Variants in GALNT13 observed in about 807,000 individuals in gnomAD.
The protein encoded by GALNT13 is UDP-GalNAc:polypeptide N-acetylgalactosaminyltransferase 13.
Under a neutral mutation model 64.2 loss-of-function variants are expected in GALNT13, and 28 were observed. That is an observed-to-expected ratio of 0.44 (90% CI 0.32 to 0.60). GALNT13 has a LOEUF of 0.60. Ranked by LOEUF, GALNT13 falls within the 20% of genes least tolerant of loss-of-function variation. The probability of loss-of-function intolerance (pLI) is 0.05; values close to 1 mark genes in which losing one functional copy is unlikely to be tolerated. For missense variants in GALNT13, 577 were observed against 669.8 expected (o/e 0.86, Z 1.53); for synonymous variants, 214 against 224.6 (o/e 0.95, Z 0.42).
the GALNT13 span, among the ~76,000 whole-genome samples, chr2:153,118,748 A>T: frequency 6.6e-6 from 1 of 152,248 alleles, no homozygotes; most frequent in Non-Finnish European, 1.5e-5. Flanking sequence ...GGTTATTTAT[A>T]TTAACTCATG....
At chr2:154,211,578 A>G (rs1270517481) in intron 4 of GALNT13, among the ~76,000 whole-genome samples, 1 of 147,500 alleles carries the variant, frequency 6.8e-6, no homozygotes, top group African/African-American at 2.5e-5. Context: ...CAGTGAGCCA[A>G]GATTGCACCA....
the GALNT13 span, among the ~76,000 whole-genome samples, chr2:153,336,381 A>T: frequency 1.3e-5 from 2 of 152,146 alleles, no homozygotes; most frequent in East Asian, 3.9e-4. Flanking sequence ...GCAAAGCCAC[A>T]GGGACGTAGC....
chr2:154,411,707 A>C (rs1048912665), intron 11 of GALNT13, among the ~76,000 whole-genome samples: 1 of 151,780 alleles, frequency 6.6e-6, no homozygotes, highest in African/African-American at 2.4e-5. Context: ...TGAGTTGGAA[A>C]AGAAATTTTC....
At chr2:153,745,160 C>G in the GALNT13 span, among the ~76,000 whole-genome samples, 63 of 152,238 alleles carry the variant, frequency 4.1e-4, no homozygotes, top group African/African-American at 1.4e-3. Flanking sequence ...AAACAGAATA[C>G]TCTTGGAGAG....
chr2:153,299,785 A>G, the GALNT13 span, among the ~76,000 whole-genome samples: 5 of 152,186 alleles, frequency 3.3e-5, no homozygotes, highest in African/African-American at 1.2e-4. Context: ...TTGGCATTGA[A>G]TCAAATTTTC....
chr2:153,865,496 C>A, the GALNT13 span, among the ~76,000 whole-genome samples: 1 of 133,210 alleles, frequency 7.5e-6, no homozygotes, highest in Admixed American at 7.9e-5. Flanking sequence ...AAAAACTGGG[C>A]GAAGGACATG....
chr2:153,371,929 T>C, the GALNT13 span, among the ~76,000 whole-genome samples: 2 of 152,292 alleles, frequency 1.3e-5, no homozygotes, highest in East Asian at 3.9e-4. Context: ...TGGGCTTCAC[T>C]TGGAATGATA....
intron 2 of GALNT13, among the ~76,000 whole-genome samples, chr2:153,933,499 G>T (rs1690677500): frequency 6.6e-6 from 1 of 152,112 alleles, no homozygotes; most frequent in African/African-American, 2.4e-5. Context: ...ATATGCTTGA[G>T]TCTTTCTTCT....
chr2:153,597,900 A>G, the GALNT13 span, among the ~76,000 whole-genome samples: 2 of 152,114 alleles, frequency 1.3e-5, no homozygotes, highest in African/African-American at 2.4e-5. Flanking sequence ...CTTTATATCC[A>G]CTAAGGTGGC....
chr2:153,626,479 T>C, the GALNT13 span, among the ~76,000 whole-genome samples: 426 of 152,252 alleles, frequency 2.8e-3, 8 homozygotes, highest in Admixed American at 0.023. Flanking sequence ...TTGACTCCCC[T>C]TGATTATATA....
chr2:153,900,875 A>G (rs1688191688), intron 1 of GALNT13, 61 bp from the exon 2 acceptor site: 1 of 152,154 alleles, frequency 6.6e-6, no homozygotes, highest in African/African-American at 2.4e-5. Context: ...GTTGGTCTGT[A>G]TTAGTTTTTC....
chr2:153,562,296 C>T, the GALNT13 span, among the ~76,000 whole-genome samples: 1 of 152,128 alleles, frequency 6.6e-6, no homozygotes, highest in East Asian at 1.9e-4. Flanking sequence ...GTACTATCAA[C>T]CATCCTTATA....
chr2:154,227,330 T>A (rs1053333969), intron 4 of GALNT13, among the ~76,000 whole-genome samples: 1 of 150,770 alleles, frequency 6.6e-6, no homozygotes, highest in Non-Finnish European at 1.5e-5. Context: ...TTTTTCTTTT[T>A]TTCTTTTTTT....
the GALNT13 span, among the ~76,000 whole-genome samples, chr2:153,196,646 C>G: frequency 6.6e-6 from 1 of 152,076 alleles, no homozygotes; most frequent in African/African-American, 2.4e-5. Context: ...TGCCTGCTCA[C>G]AGCATGGGGC....
At chr2:154,003,035 G>A (rs1269110889) in intron 3 of GALNT13, among the ~76,000 whole-genome samples, 2 of 152,136 alleles carry the variant, frequency 1.3e-5, no homozygotes, top group African/African-American at 2.4e-5. Context: ...CTTAGGCTTT[G>A]TGAGGAACCC....
the GALNT13 span, among the ~76,000 whole-genome samples, chr2:153,124,878 T>C: frequency 2.6e-5 from 4 of 152,314 alleles, no homozygotes; most frequent in African/African-American, 9.6e-5. Context: ...ACGGCAAGTT[T>C]TGCTCCTTGC....
At chr2:154,401,190 G>A (rs1559135352) in intron 10 of GALNT13, among the ~76,000 whole-genome samples, 1 of 152,074 alleles carries the variant, frequency 6.6e-6, no homozygotes, top group Non-Finnish European at 1.5e-5. Flanking sequence ...AAATATTGCT[G>A]AAGAGCAAAT....
chr2:153,330,612 ATT>A, the GALNT13 span, among the ~76,000 whole-genome samples: 8 of 147,184 alleles, frequency 5.4e-5, no homozygotes, highest in East Asian at 2.0e-4. Context: ...TTGTACATTG[ATT>A]TTTTTTTTTT....
chr2:153,701,939 A>C, the GALNT13 span, among the ~76,000 whole-genome samples: 11 of 152,224 alleles, frequency 7.2e-5, no homozygotes, highest in Admixed American at 7.2e-4. Context: ...TCAAGGATCT[A>C]GAACAAGAAA....
Sources: gnomAD v4.1 joint callset for allele counts (sites outside exome capture counted in the v4.1 genomes callset) on GRCh38, gnomAD v4.1.1 for gene constraint, MANE v1.5 for transcripts, NCBI Gene and HGNC (gene_info 2026-07-23, HGNC 2026-07-21) for gene names.